RAD51B: variants seen among roughly 807,000 people sequenced by gnomAD.
RAD51B encodes the protein DNA repair protein RAD51 homolog 2.
RAD51B carries 38 observed loss-of-function variants against 42.2 expected under a neutral mutation model. The ratio of observed to expected loss-of-function variants is 0.90; its 90% CI spans 0.70 to 1.18. The LOEUF is 1.18. Ranked by LOEUF, RAD51B falls within the 50% of genes most tolerant of loss-of-function variation. The probability of loss-of-function intolerance (pLI) is 0.00; values close to 1 mark genes in which losing one functional copy is unlikely to be tolerated. For synonymous variants in RAD51B, 154 were observed against 145.2 expected, an observed-to-expected ratio of 1.06 and a Z score of -0.43; for missense variants, 373 against 400.7, an observed-to-expected ratio of 0.93 and a Z score of 0.59.
At chr14:67,824,283 T>C (rs987177866) in intron 2 of RAD51B, among the ~76,000 whole-genome samples, 7 of 152,116 alleles carry the variant, frequency 4.6e-5, no homozygotes, top group Non-Finnish European at 1.5e-5. Flanking sequence ...TTAGAGTCAG[T>C]GTCTCACTCT....
In RAD51B at chr14:68,483,942, G is replaced by A. The variant is rs373325884; in HGVS notation, c.1036+15692G>A. On this transcript the variant is annotated intron_variant, in intron 10 of 10. Coordinates refer to the RAD51B transcript ENST00000487270. Reference sequence around the variant, plus strand: ...TCAGTTCTTGTTGGTGAACCAACATGACCACCACACCTCTTTGCTCCTTTC... The same window carrying A: ...TCAGTTCTTGTTGGTGAACCAACATAACCACCACACCTCTTTGCTCCTTTC... Among the ~76,000 whole-genome samples the A allele has an allele frequency of 2.7e-3, 407 of 152,330 alleles. 1 individual carries two copies. Among genetic ancestry groups the A allele is most frequent in the Non-Finnish European group, 3.8e-3 (261 of 68,026 alleles).
At chr14:68,100,935 G>A (rs1207164398) in intron 7 of RAD51B, among the ~76,000 whole-genome samples, 2 of 152,210 alleles carry the variant, frequency 1.3e-5, no homozygotes, top group Non-Finnish European at 2.9e-5. Context: ...ATAAAGGAAA[G>A]AGGTTTAATT....
intron 5 of RAD51B, among the ~76,000 whole-genome samples, chr14:67,871,406 A>G (rs181356590): frequency 2.6e-5 from 4 of 151,324 alleles, no homozygotes; most frequent in African/African-American, 9.9e-5. Context: ...GAATCTCTGA[A>G]TAGACCAATA....
At chr14:68,610,843 ATGTGTGTGTGTGTGTGTGTGTGTG>A (rs60173412) in intron 10 of RAD51B, among the ~76,000 whole-genome samples, 1 of 144,896 alleles carries the variant, frequency 6.9e-6, no homozygotes, top group Non-Finnish European at 1.5e-5. Context: ...CTGAATGTAT[ATGTGTGTGTGTGTGTGTGTGTGTG>A]TGTGTGTGTG....
chr14:68,180,678 C>A (rs1192361350), intron 7 of RAD51B, among the ~76,000 whole-genome samples: 1 of 152,134 alleles, frequency 6.6e-6, no homozygotes. Flanking sequence ...AAAACTACTG[C>A]CTTATGATCT....
At chr14:67,964,852 G>A (rs1191642999) in intron 7 of RAD51B, among the ~76,000 whole-genome samples, 1 of 152,078 alleles carries the variant, frequency 6.6e-6, no homozygotes, top group East Asian at 1.9e-4. Flanking sequence ...GTTATTATTG[G>A]GAATTTATTT....
chr14:68,482,974 T>C (rs1256474883), downstream of RAD51B, among the ~76,000 whole-genome samples: 1 of 152,150 alleles, frequency 6.6e-6, no homozygotes, highest in Non-Finnish European at 1.5e-5. Context: ...GACTCAATAT[T>C]GCACTTCAGT....
At chr14:68,531,487 T>G (rs561826786) in intron 10 of RAD51B, among the ~76,000 whole-genome samples, 5 of 152,272 alleles carry the variant, frequency 3.3e-5, no homozygotes, top group South Asian at 2.1e-4. Flanking sequence ...TTGGGAAATA[T>G]ATGTTAATAG....
intron 10 of RAD51B, among the ~76,000 whole-genome samples, chr14:68,578,335 C>T (rs558953137): frequency 8.5e-5 from 13 of 152,156 alleles, no homozygotes; most frequent in East Asian, 1.9e-4. Context: ...CGCTTGAACC[C>T]GGGAGGTGGA....
chr14:68,291,426 T>G (rs949840060), intron 7 of RAD51B, among the ~76,000 whole-genome samples: 2 of 151,734 alleles, frequency 1.3e-5, no homozygotes, highest in Admixed American at 1.3e-4. Flanking sequence ...GGTCTCAAAC[T>G]CCTGACCTTA....
At chr14:68,242,715 A>C (rs2080417510) in intron 7 of RAD51B, among the ~76,000 whole-genome samples, 1 of 152,246 alleles carries the variant, frequency 6.6e-6, no homozygotes, top group South Asian at 2.1e-4. Context: ...ATGCTAAATA[A>C]GTACTTTTCA....
chr14:68,649,794 C>T (rs1027713252), intron 10 of RAD51B, among the ~76,000 whole-genome samples: 7 of 152,158 alleles, frequency 4.6e-5, no homozygotes, highest in Non-Finnish European at 7.3e-5. Flanking sequence ...GAACACCTTC[C>T]GCAAAGAGAC....
At chr14:68,220,181 A>G (rs1173374104) in intron 7 of RAD51B, among the ~76,000 whole-genome samples, 2 of 152,240 alleles carry the variant, frequency 1.3e-5, no homozygotes, top group South Asian at 2.1e-4. Context: ...GAAATTTGGT[A>G]CTATGCTAAG....
chr14:68,417,368 G>A (rs987843056), intron 9 of RAD51B, among the ~76,000 whole-genome samples: 1 of 152,174 alleles, frequency 6.6e-6, no homozygotes, highest in Non-Finnish European at 1.5e-5. Flanking sequence ...TATAGAAATA[G>A]CAAAGGGAAC....
chr14:68,254,371 A>G (rs1211315275), intron 7 of RAD51B, among the ~76,000 whole-genome samples: 1 of 152,196 alleles, frequency 6.6e-6, no homozygotes, highest in African/African-American at 2.4e-5. Context: ...AGATCCATGA[A>G]TTTAGATGAG....
At chr14:68,399,259 G>GT (rs397719053) in intron 8 of RAD51B, among the ~76,000 whole-genome samples, 5,651 of 135,946 alleles carry the variant, frequency 0.042, 165 homozygotes, top group Middle Eastern at 0.078. Context: ...TTTTTTTTGT[G>GT]TTTTTTTTTT....
At chr14:68,200,370 GGCAGTGAACAGTGCTA>G (rs1321351504) in intron 7 of RAD51B, among the ~76,000 whole-genome samples, 1 of 152,142 alleles carries the variant, frequency 6.6e-6, no homozygotes, top group Non-Finnish European at 1.5e-5. Flanking sequence ...TCTTGGAGAA[GGCAGTGAACAGTGCTA>G]TGTTATTGCT....
At chr14:68,542,128 G>C (rs920989178) in intron 10 of RAD51B, among the ~76,000 whole-genome samples, 5 of 152,034 alleles carry the variant, frequency 3.3e-5, no homozygotes, top group Admixed American at 2.6e-4. Context: ...AATTATGATG[G>C]CTTCATACTG....
intron 8 of RAD51B, among the ~76,000 whole-genome samples, chr14:68,369,654 C>T (rs998728058): frequency 2.0e-5 from 3 of 152,136 alleles, no homozygotes; most frequent in Admixed American, 6.5e-5. Flanking sequence ...CTTTCCCTAT[C>T]GATACTTCAT....
Sources: allele counts gnomAD v4.1 joint callset (sites outside exome capture counted in the v4.1 genomes callset), GRCh38; gene constraint gnomAD v4.1.1; transcripts MANE v1.5; gene names NCBI Gene and HGNC (gene_info 2026-07-23, HGNC 2026-07-21).